The following NPAS3 variants were observed in gnomAD, a reference collection of about 807,000 sequenced individuals.
The protein encoded by NPAS3 is neuronal PAS domain-containing protein 3.
In NPAS3, 14 loss-of-function variants were observed where a neutral mutation model predicts 73.1. That is an observed-to-expected ratio of 0.19 (90% CI 0.13 to 0.30). The LOEUF (loss-of-function observed/expected upper bound fraction) is 0.30, where lower values mean the gene tolerates loss of function less well. Among genes scored for constraint, NPAS3 ranks in the 10% least tolerant of loss-of-function variants. The pLI is 1.00. For synonymous variants in NPAS3, 620 were observed against 541.5 expected (o/e 1.14, Z -2.01); for missense variants, 1,096 against 1,250.0 (o/e 0.88, Z 1.86).
intron 5 of NPAS3, among the ~76,000 whole-genome samples, chr14:33,594,951 TAAGA>T (rs2057191314): frequency 6.6e-6 from 1 of 152,116 alleles, no homozygotes; most frequent in African/African-American, 2.4e-5. Context: ...TTGAAAGCCA[TAAGA>T]GAAAGGATTT....
At chr14:33,074,615 C>T (rs933450421) in intron 2 of NPAS3, among the ~76,000 whole-genome samples, 2 of 152,154 alleles carry the variant, frequency 1.3e-5, no homozygotes, top group African/African-American at 4.8e-5. Context: ...TGGGATTTCA[C>T]CATGTTGGCC....
At chr14:33,459,868 G>A (rs7142019) in intron 4 of NPAS3, among the ~76,000 whole-genome samples, 81,594 of 151,980 alleles carry the variant, frequency 0.54, 23,768 homozygotes, top group Non-Finnish European at 0.65. Flanking sequence ...ATAATAATCC[G>A]TTCTCTTCTC....
intron 2 of NPAS3, among the ~76,000 whole-genome samples, chr14:33,191,537 A>C (rs1737206799): frequency 6.6e-6 from 1 of 152,182 alleles, no homozygotes; most frequent in African/African-American, 2.4e-5. Flanking sequence ...AAACCACTAC[A>C]CTTCTATGGA....
chr14:33,800,925 ACCACC>A lies in NPAS3; in HGVS notation c.2619_2623del (p.Tyr873Ter). 6.2e-7 allele frequency: 1 copy of A among 1,608,394 alleles called. No individual in the cohort carries two copies. Among genetic ancestry groups the A allele is most frequent in the Non-Finnish European group, 8.5e-7 (1 of 1,177,912 alleles). On this transcript the variant is annotated stop_gained and frameshift_variant, in exon 12 of 12. Coordinates refer to ENST00000356141, the Ensembl canonical transcript of NPAS3. LOFTEE classifies it high-confidence loss of function. The surrounding 1 kb of genome is among the most constrained non-coding windows in gnomAD (Gnocchi z 6.5). ...CCCAAGACGCCCATGGAGATGCTCT[ACCACC>A]ACGTGCACCGGCTCAACATGTCAGG... is the stretch of plus-strand genomic sequence containing the variant.
At chr14:33,291,614 T>C (rs1225953399) in intron 3 of NPAS3, among the ~76,000 whole-genome samples, 1 of 152,194 alleles carries the variant, frequency 6.6e-6, no homozygotes, top group African/African-American at 2.4e-5. Flanking sequence ...GTTGTGAAAG[T>C]CATACAGGAT....
chr14:32,950,846 A>AT (rs1275627573), intron 1 of NPAS3, among the ~76,000 whole-genome samples: 1 of 152,152 alleles, frequency 6.6e-6, no homozygotes, highest in African/African-American at 2.4e-5. Context: ...CTGAATCAGG[A>AT]TTTTTAAACT....
chr14:33,498,643 G>A (rs1263357914), intron 4 of NPAS3, among the ~76,000 whole-genome samples: 9 of 151,870 alleles, frequency 5.9e-5, no homozygotes, highest in East Asian at 1.9e-4. Flanking sequence ...TTGAACAATG[G>A]GAACACATGG....
chr14:33,433,263 A>C lies in NPAS3; in HGVS notation c.468+65995A>C, dbSNP rs543139385. 3.9e-5 allele frequency among the ~76,000 whole-genome samples: 6 copies of C among 152,318 alleles called. No individual in the cohort carries two copies. The South Asian group carries it at 1.2e-3, about 32-fold the overall frequency. ...TCATATTATTATCAATTATATTTTT[A>C]AAGCTGCTGTTATTCAAGGCAATGA... On this transcript the variant is annotated intron_variant, in intron 4 of 11. Transcript: ENST00000356141.
At chr14:33,005,371 A>G (rs2038965512) in intron 1 of NPAS3, among the ~76,000 whole-genome samples, 1 of 152,236 alleles carries the variant, frequency 6.6e-6, no homozygotes, top group Admixed American at 6.5e-5. Context: ...TGTCAGTGGC[A>G]CATGACTATA....
At chr14:32,940,113 C>T (rs1448154911) in intron 1 of NPAS3, among the ~76,000 whole-genome samples, 1 of 152,230 alleles carries the variant, frequency 6.6e-6, no homozygotes, top group Non-Finnish European at 1.5e-5. Flanking sequence ...AATAAGCAAA[C>T]AAACAGCGAG....
intron 5 of NPAS3, among the ~76,000 whole-genome samples, chr14:33,647,989 C>G (rs570760802): frequency 1.3e-5 from 2 of 152,152 alleles, no homozygotes; most frequent in Non-Finnish European, 2.9e-5. Context: ...AATTTATAGT[C>G]ACTGAACACC....
chr14:33,645,081 CAA>C (rs33988299), intron 5 of NPAS3, among the ~76,000 whole-genome samples: 175 of 106,450 alleles, frequency 1.6e-3, no homozygotes, highest in African/African-American at 3.4e-3. Flanking sequence ...AACTCCATCT[CAA>C]AAAAAAAAAA....
chr14:33,010,930 A>G (rs1354950906), intron 1 of NPAS3, among the ~76,000 whole-genome samples: 1 of 115,940 alleles, frequency 8.6e-6, no homozygotes, highest in East Asian at 2.3e-4. Context: ...CAGAGCCAGA[A>G]CCTGTCTCAA....
intron 3 of NPAS3, among the ~76,000 whole-genome samples, chr14:33,280,426 C>G (rs886197250): frequency 6.6e-6 from 1 of 152,012 alleles, no homozygotes; most frequent in Non-Finnish European, 1.5e-5. Context: ...AGAGCCATGC[C>G]AATACTGAGG....
intron 7 of NPAS3, among the ~76,000 whole-genome samples, chr14:33,773,470 C>T (rs1248254355): frequency 6.6e-6 from 1 of 152,174 alleles, no homozygotes; most frequent in Admixed American, 6.5e-5. Flanking sequence ...ACAAATCCTG[C>T]CTATTTTTTA....
intron 5 of NPAS3, among the ~76,000 whole-genome samples, chr14:33,669,282 TA>T (rs777430392): frequency 6.6e-6 from 1 of 152,328 alleles, no homozygotes. Flanking sequence ...AGCACTGTGA[TA>T]AATACTAAAA....
At chr14:33,629,234 CAAA>C (rs372236952) in intron 5 of NPAS3, among the ~76,000 whole-genome samples, 9 of 81,018 alleles carry the variant, frequency 1.1e-4, no homozygotes, top group Admixed American at 4.2e-4. Context: ...GACTCCATCT[CAAA>C]AAAAAAAAAA....
At chr14:33,299,080 A>G (rs2042419799) in intron 3 of NPAS3, among the ~76,000 whole-genome samples, 1 of 152,208 alleles carries the variant, frequency 6.6e-6, no homozygotes, top group African/African-American at 2.4e-5. Context: ...TCTTGCCTTT[A>G]AGGCCCCAAA....
chr14:33,133,849 A>G (rs2043731521), intron 2 of NPAS3, among the ~76,000 whole-genome samples: 1 of 152,178 alleles, frequency 6.6e-6, no homozygotes. Context: ...GGCATTCCAG[A>G]TGATTCTAGT....
Sources: allele counts gnomAD v4.1 joint callset (sites outside exome capture counted in the v4.1 genomes callset), GRCh38; gene constraint gnomAD v4.1.1; non-coding constraint Gnocchi (gnomAD v3.1); transcripts MANE v1.5; gene names NCBI Gene and HGNC (gene_info 2026-07-23, HGNC 2026-07-21).